Variants in SLC35E4 observed in about 807,000 individuals in gnomAD.
The protein encoded by SLC35E4 is solute carrier family 35 member E4.
SLC35E4 carries 15 observed loss-of-function variants against 19.3 expected under a neutral mutation model. The observed-to-expected ratio is 0.78, with a 90% CI of 0.52 to 1.20. SLC35E4 has a LOEUF of 1.20. SLC35E4 is among the 50% of genes most tolerant of loss of function. The pLI is 0.00. For synonymous variants in SLC35E4, 219 were observed against 219.9 expected (o/e 1.00, Z 0.04); for missense variants, 406 against 472.3 (o/e 0.86, Z 1.30).
At chr22:30,661,467 A>C (rs1602100467) in intron 2 of SLC35E4, 1 of 103,774 alleles carries the variant, frequency 9.6e-6, no homozygotes, top group Admixed American at 1.1e-4. Context: ...TTTCTTTTTG[A>C]GATGGAGTCT....
At chr22:30,639,618 C>T (rs1011255169) in intron 1 of SLC35E4, among the ~76,000 whole-genome samples, 2 of 152,132 alleles carry the variant, frequency 1.3e-5, no homozygotes, top group East Asian at 1.9e-4. Context: ...CCCTCAGGGA[C>T]GCATTCTCTT....
At chr22:30,646,540 G>A in intron 1 of SLC35E4, 58 bp from the exon 2 acceptor site, 1 of 1,548,884 alleles carries the variant, frequency 6.5e-7, no homozygotes, top group Non-Finnish European at 8.7e-7. Context: ...GGGTCATACT[G>A]GGGTGGCTGG....
chr22:30,660,090 C>T (rs1262080219), intron 2 of SLC35E4, among the ~76,000 whole-genome samples: 1 of 152,172 alleles, frequency 6.6e-6, no homozygotes, highest in East Asian at 1.9e-4. Context: ...TTCCTCAGAG[C>T]CTCCAGGGAA....
chr22:30,665,566 G>A, downstream of SLC35E4: 1 of 470,782 alleles, frequency 2.1e-6, no homozygotes, highest in South Asian at 1.6e-5. Context: ...AAAGGTAACT[G>A]TTTTAAGGGA....
At chr22:30,652,019 T>A (rs556881245), downstream of SLC35E4, 1 of 152,054 alleles carries the variant, frequency 6.6e-6, no homozygotes, top group Non-Finnish European at 1.5e-5. Context: ...GGAACTGCAA[T>A]AGAGAAAGAG....
chr22:30,643,844 A>G lies in SLC35E4; in HGVS notation c.620-2754A>G, dbSNP rs552040159. ...GGCAGAAACTTGGGCATGTTCCAATAGAAGGAGAGGTGGCAATGAGGCAGG... is the reference window on the plus strand; with the variant it reads ...GGCAGAAACTTGGGCATGTTCCAATGGAAGGAGAGGTGGCAATGAGGCAGG... On this transcript the variant is annotated intron_variant, in intron 1 of 1. Coordinates refer to ENST00000343605, the MANE Select transcript of SLC35E4 (RefSeq NM_001001479.4). 1.2e-4 allele frequency among the ~76,000 whole-genome samples: 18 copies of G among 152,340 alleles called. No individual in the cohort carries two copies. The South Asian group carries it at 3.5e-3, about 30-fold the overall frequency.
In SLC35E4 at chr22:30,637,055, A is replaced by G. The variant is rs2087964414; in HGVS notation, c.605A>G (p.Lys202Arg). The change falls in exon 1 of 2, where the codon AAG becomes AGG. Residue 202 changes from lysine to arginine, a missense_variant. Physicochemically the swap from Lys to Arg is conservative, Grantham distance 26 (BLOSUM62 2). Coordinates refer to ENST00000343605, the MANE Select transcript of SLC35E4 (RefSeq NM_001001479.4). ...LLAATCLRGL[K>R]SVQQSALLQE... ...GCAGCCACCTGCCTCCGCGGACTCA[A>G]GTCGGTTCAGCAAAGTAAGTGCCTG... The G allele has an allele frequency of 1.3e-6, 2 of 1,570,320 alleles. No homozygotes were observed. Among genetic ancestry groups the G allele is most frequent in the Admixed American group, 1.8e-5 (1 of 56,130 alleles).
intron 1 of SLC35E4, 137 bp from the exon 2 acceptor site, chr22:30,646,461 T>C (rs2088130383): frequency 2.0e-6 from 2 of 1,000,708 alleles, no homozygotes; most frequent in Non-Finnish European, 2.9e-6. Context: ...TTGACTGTCA[T>C]GTTTCAGATC....
downstream of SLC35E4, among the ~76,000 whole-genome samples, chr22:30,648,909 G>C (rs952866690): frequency 6.6e-6 from 1 of 152,102 alleles, no homozygotes; most frequent in Non-Finnish European, 1.5e-5. Flanking sequence ...CAGGGGTATA[G>C]GGGAGCAGGG....
downstream of SLC35E4, among the ~76,000 whole-genome samples, chr22:30,651,249 A>G (rs2088203995): frequency 1.3e-5 from 2 of 150,404 alleles, no homozygotes; most frequent in African/African-American, 2.4e-5. Context: ...CGCCCAGGCT[A>G]GAATGCAGTG....
chr22:30,656,119 G>A (rs1235957724), intron 2 of SLC35E4, among the ~76,000 whole-genome samples: 3 of 151,836 alleles, frequency 2.0e-5, no homozygotes, highest in African/African-American at 7.3e-5. Flanking sequence ...GACTACAGGT[G>A]TGCACCACCA....
At chr22:30,638,528 TGGGC>T in intron 1 of SLC35E4, among the ~76,000 whole-genome samples, 1 of 123,036 alleles carries the variant, frequency 8.1e-6, no homozygotes, top group South Asian at 2.5e-4. Context: ...AAAAAAAAAT[TGGGC>T]CAGGCGCAGT....
chr22:30,645,083 G>A (rs1047172846), intron 1 of SLC35E4, among the ~76,000 whole-genome samples: 1 of 152,162 alleles, frequency 6.6e-6, no homozygotes, highest in Non-Finnish European at 1.5e-5. Flanking sequence ...AAGTGAATGA[G>A]GCAATGAATG....
intron 2 of SLC35E4, among the ~76,000 whole-genome samples, chr22:30,653,165 C>T (rs1785688745): frequency 6.6e-6 from 1 of 152,296 alleles, no homozygotes; most frequent in African/African-American, 2.4e-5. Flanking sequence ...TCTGTGCTCC[C>T]CACCACTGGC....
At chr22:30,638,731 G>C (rs2087991310) in intron 1 of SLC35E4, among the ~76,000 whole-genome samples, 1 of 152,164 alleles carries the variant, frequency 6.6e-6, no homozygotes, top group South Asian at 2.1e-4. Context: ...AGAATCGCTT[G>C]AACCTGGGAG....
chr22:30,661,931 C>T (rs1041512921), intron 2 of SLC35E4: 1 of 150,880 alleles, frequency 6.6e-6, no homozygotes, highest in Non-Finnish European at 1.5e-5. Flanking sequence ...CTCCTTGTTT[C>T]AGGACCTCTA....
chr22:30,656,920 G>A (rs1246305529), intron 2 of SLC35E4, among the ~76,000 whole-genome samples: 1 of 152,072 alleles, frequency 6.6e-6, no homozygotes, highest in Non-Finnish European at 1.5e-5. Context: ...TTCGAGACCA[G>A]CCTGGTCAAC....
chr22:30,646,534 C>A, intron 1 of SLC35E4, 64 bp from the exon 2 acceptor site: 1 of 1,537,148 alleles, frequency 6.5e-7, no homozygotes, highest in South Asian at 1.2e-5. Context: ...CCATAGGGGT[C>A]ATACTGGGGT....
intron 1 of SLC35E4, among the ~76,000 whole-genome samples, chr22:30,639,069 G>A (rs568252188): frequency 4.3e-4 from 65 of 152,322 alleles, no homozygotes; most frequent in South Asian, 3.9e-3. Context: ...GATATCGGGC[G>A]AAATTCACCC....
Sources: gnomAD v4.1 joint callset for allele counts (sites outside exome capture counted in the v4.1 genomes callset) on GRCh38, gnomAD v4.1.1 for gene constraint, MANE v1.5 for transcripts, NCBI Gene and HGNC (gene_info 2026-07-23, HGNC 2026-07-21) for gene names.